Variants in GPC5 observed in about 807,000 individuals in gnomAD.
GPC5 encodes glypican-5.
In GPC5, 47 loss-of-function variants were observed where a neutral mutation model predicts 53.9. That is an observed-to-expected ratio of 0.87 (90% CI 0.69 to 1.11). The LOEUF is 1.11. Ranked by LOEUF, GPC5 falls within the 50% of genes most tolerant of loss-of-function variation. The pLI, the probability that GPC5 is intolerant of heterozygous loss-of-function variation, is 0.00. For synonymous variants in GPC5, 286 were observed against 263.3 expected (o/e 1.09, Z -0.84); for missense variants, 748 against 713.1 (o/e 1.05, Z -0.56).
At chr13:91,606,990 T>C (rs1363365292) in intron 2 of GPC5, among the ~76,000 whole-genome samples, 1 of 151,798 alleles carries the variant, frequency 6.6e-6, no homozygotes, top group African/African-American at 2.4e-5. Flanking sequence ...TTTCTTGCCT[T>C]CTGCTAGCTT....
intron 2 of GPC5, among the ~76,000 whole-genome samples, chr13:91,651,820 A>G (rs542890473): frequency 1.4e-4 from 21 of 152,204 alleles, no homozygotes; most frequent in Non-Finnish European, 2.8e-4. Context: ...TTCAAATGGC[A>G]CACTCTCCTG....
At chr13:92,851,000 A>G (rs920962359) in intron 7 of GPC5, among the ~76,000 whole-genome samples, 1 of 152,216 alleles carries the variant, frequency 6.6e-6, no homozygotes, top group Non-Finnish European at 1.5e-5. Context: ...GGAGGCATCT[A>G]GCCCTGGGGA....
intron 5 of GPC5, among the ~76,000 whole-genome samples, chr13:91,842,468 C>G (rs888477525): frequency 3.4e-5 from 5 of 148,186 alleles, no homozygotes; most frequent in Admixed American, 1.4e-4. Context: ...TTTGGGAGGC[C>G]GAGACGGGCG....
rs74107739 is a variant in GPC5 at position 91,633,971 on chromosome 13, C to T, written c.326-59216C>T. ...AAGTTCATTTAGCTGAAAATCTAATCCTTAAACACCAATATTGCTTTTATG... is the reference window on the plus strand; with the variant it reads ...AAGTTCATTTAGCTGAAAATCTAATTCTTAAACACCAATATTGCTTTTATG... On this transcript the variant is annotated intron_variant, in intron 2 of 7. Coordinates refer to ENST00000377067, the MANE Select transcript of GPC5 (RefSeq NM_004466.6). Among the ~76,000 whole-genome samples, 1,067 of 152,156 alleles carry T rather than the reference C, an allele frequency of 7.0e-3. 12 individuals are homozygous for T. Among genetic ancestry groups the T allele is most frequent in the African/African-American group, 0.024 (1,005 of 41,530 alleles).
intron 7 of GPC5, among the ~76,000 whole-genome samples, chr13:92,574,397 A>T (rs1406699296): frequency 3.9e-5 from 6 of 152,078 alleles, no homozygotes; most frequent in Admixed American, 6.6e-5. Flanking sequence ...TAATAAATTA[A>T]TTTTTTTTCA....
intron 6 of GPC5, among the ~76,000 whole-genome samples, chr13:91,953,096 A>G (rs1227868724): frequency 1.3e-5 from 2 of 152,180 alleles, no homozygotes; most frequent in African/African-American, 4.8e-5. Flanking sequence ...TGCAAATGGG[A>G]TGAGGAAAAT....
intron 7 of GPC5, among the ~76,000 whole-genome samples, chr13:92,784,003 T>A (rs1426313464): frequency 1.3e-5 from 2 of 152,162 alleles, no homozygotes; most frequent in African/African-American, 2.4e-5. Context: ...TGGTATCAGA[T>A]CCCTAATAGT....
At chr13:91,594,994 ATTT>A (rs2032941095) in intron 2 of GPC5, among the ~76,000 whole-genome samples, 1 of 8,290 alleles carries the variant, frequency 1.2e-4, no homozygotes, top group Non-Finnish European at 5.9e-4. Context: ...ACATTTATTT[ATTT>A]ATTTATTTAT....
At chr13:91,674,561 A>G (rs1218560745) in intron 2 of GPC5, among the ~76,000 whole-genome samples, 1 of 148,732 alleles carries the variant, frequency 6.7e-6, no homozygotes, top group East Asian at 2.0e-4. Flanking sequence ...GCGTATGTGT[A>G]TATATACGCA....
At chr13:92,103,195 A>C (rs7997002) in intron 6 of GPC5, among the ~76,000 whole-genome samples, 81,193 of 151,648 alleles carry the variant, frequency 0.54, 22,108 homozygotes, top group East Asian at 0.79. Flanking sequence ...ACCTGGGGGA[A>C]AAAGGTTGTA....
At chr13:91,789,545 C>A (rs572940225) in intron 5 of GPC5, among the ~76,000 whole-genome samples, 1 of 151,990 alleles carries the variant, frequency 6.6e-6, no homozygotes, top group Non-Finnish European at 1.5e-5. Flanking sequence ...GAAATAAAAT[C>A]TTTTTCTTTA....
At chr13:91,665,228 C>T (rs2035079038) in intron 2 of GPC5, among the ~76,000 whole-genome samples, 1 of 152,144 alleles carries the variant, frequency 6.6e-6, no homozygotes, top group African/African-American at 2.4e-5. Context: ...ATTTTTTCTT[C>T]ATTTTAGCTT....
At chr13:91,806,021 A>ATTTTTTTTTTT (rs71113764) in intron 5 of GPC5, among the ~76,000 whole-genome samples, 3 of 48,558 alleles carry the variant, frequency 6.2e-5, no homozygotes, top group African/African-American at 8.7e-5. Context: ...AAATACAATA[A>ATTTTTTTTTTT]TTTTTTTTTT....
chr13:92,256,150 AATATAG>A (rs1257095486), intron 7 of GPC5, among the ~76,000 whole-genome samples: 3 of 151,608 alleles, frequency 2.0e-5, no homozygotes, highest in Non-Finnish European at 2.9e-5. Context: ...ATAGAGATAT[AATATAG>A]ATATAATATA....
At chr13:92,843,081 T>C (rs1878486127) in intron 7 of GPC5, among the ~76,000 whole-genome samples, 1 of 152,194 alleles carries the variant, frequency 6.6e-6, no homozygotes, top group Non-Finnish European at 1.5e-5. Context: ...GACTGTTAAA[T>C]TATTTTCAAT....
In GPC5 at chr13:91,650,750, G is replaced by GTTTTTGTTTTTTTTTT. The variant is rs1491353283; in HGVS notation, c.326-42432_326-42431insGTTTTTTTTTTTTTTT. On this transcript the variant is annotated intron_variant, in intron 2 of 7. Transcript: ENST00000377067. ...CATCTGTGAAACAAAATTCCCATAA[G>GTTTTTGTTTTTTTTTT]TTTTTTTTTTTTTTTTTTTTTTAGC... is the stretch of plus-strand genomic sequence containing the variant. Among the ~76,000 whole-genome samples, 223 of 99,584 alleles carry GTTTTTGTTTTTTTTTT rather than the reference G, an allele frequency of 2.2e-3. 6 individuals carry two copies. The highest frequency in any genetic ancestry group is 6.9e-3 in the African/African-American group (170 of 24,656). The allele number at this position is 99,584 out of a possible 152,430, so 65.3% of individuals were successfully genotyped here.
At chr13:92,125,776 G>A (rs571905799) in intron 6 of GPC5, among the ~76,000 whole-genome samples, 2 of 152,080 alleles carry the variant, frequency 1.3e-5, no homozygotes, top group African/African-American at 4.8e-5. Context: ...CCCTCAAAAT[G>A]GTATAGTGCA....
chr13:92,385,457 T>TATACATATATACATAC (rs1311920886), intron 7 of GPC5, among the ~76,000 whole-genome samples: 3 of 130,714 alleles, frequency 2.3e-5, no homozygotes, highest in South Asian at 4.8e-4. Context: ...TATATACATA[T>TATACATATATACATAC]ATACACATAT....
chr13:92,692,770 T>C (rs1316945328), intron 7 of GPC5, among the ~76,000 whole-genome samples: 12 of 145,696 alleles, frequency 8.2e-5, no homozygotes, highest in African/African-American at 2.8e-4. Context: ...TTTTTTTTTT[T>C]TTTTTTACAT....
Sources: gnomAD v4.1 joint callset for allele counts (sites outside exome capture counted in the v4.1 genomes callset) on GRCh38, gnomAD v4.1.1 for gene constraint, MANE v1.5 for transcripts, NCBI Gene and HGNC (gene_info 2026-07-23, HGNC 2026-07-21) for gene names.